SCML2: variants seen among roughly 807,000 people sequenced by gnomAD.
SCML2 encodes the protein Scm polycomb group protein like 2.
A neutral mutation model predicts 48.4 loss-of-function variants in SCML2; 6 were observed. The observed-to-expected ratio is 0.12, with a 90% CI of 0.07 to 0.24. The LOEUF (loss-of-function observed/expected upper bound fraction) is 0.24. Ranked by LOEUF, SCML2 falls within the 10% of genes least tolerant of loss-of-function variation. SCML2 has a pLI of 1.00. For missense variants in SCML2, 377 were observed against 528.2 expected (o/e 0.71, Z 2.81); for synonymous variants, 181 against 189.5 (o/e 0.95, Z 0.37).
intron 1 of SCML2, among the ~76,000 whole-genome samples, chrX:18,342,350 TA>T (rs1282550143): frequency 1.6e-3 from 152 of 97,706 alleles, no homozygotes; most frequent in Non-Finnish European, 1.5e-3. Flanking sequence ...AAGTAAGCCT[TA>T]AAAAAAAAAA....
rs182536908 is a variant in SCML2 at position 18,282,223 on chromosome X, C to G, written c.731-16421G>C. Among the ~76,000 whole-genome samples the G allele has an allele frequency of 2.6e-3, 291 of 110,964 alleles. 2 individuals are homozygous for G. The highest frequency in any genetic ancestry group is 8.8e-3 in the African/African-American group (269 of 30,478). ...AAAAATAAACATGATTGATAGACCA[C>G]TAGCTAGGTTAACAAAGAAAAAAAA... On this transcript the variant is annotated intron_variant, in intron 7 of 14. Coordinates refer to ENST00000251900, the MANE Select transcript of SCML2 (RefSeq NM_006089.3).
Position 18,320,429 on chromosome X carries a change from T to G in SCML2, c.398-9A>C, listed in dbSNP as rs574474762. ...TGTATTCATCTGGTACCCTGTTTTA[T>G]AAAATAAATTAGGTATCATGAAAAA... On this transcript the variant is annotated splice_polypyrimidine_tract_variant and intron_variant, in intron 5 of 14. Coordinates refer to ENST00000251900, the MANE Select transcript of SCML2 (RefSeq NM_006089.3). The G allele has an allele frequency of 1.9e-6, 2 of 1,059,645 alleles. No homozygotes were observed. The highest frequency in any genetic ancestry group is 4.9e-5 in the South Asian group (2 of 40,628). The allele number at this position is 1,059,645 out of a possible 1,213,427, so 87.3% of individuals were successfully genotyped here.
At chrX:18,343,920 A>AT (rs1434952837) in intron 1 of SCML2, among the ~76,000 whole-genome samples, 11 of 83,132 alleles carry the variant, frequency 1.3e-4, no homozygotes, top group African/African-American at 1.8e-4. Context: ...CCCTGCCTCT[A>AT]TTTAAAAAAA....
intron 1 of SCML2, among the ~76,000 whole-genome samples, chrX:18,345,226 C>A (rs1203560699): frequency 4.5e-5 from 5 of 111,135 alleles, no homozygotes; most frequent in Non-Finnish European, 7.5e-5. Context: ...AGACAATAAG[C>A]TCCTGGGGGC....
intron 1 of SCML2, among the ~76,000 whole-genome samples, chrX:18,343,810 G>A (rs1434949489): frequency 1.2e-4 from 12 of 99,057 alleles, no homozygotes; most frequent in African/African-American, 1.8e-4. Context: ...AACCTGGGCC[G>A]GATTACAATC....
At chrX:18,289,641 AC>A (rs989990092) in intron 7 of SCML2, among the ~76,000 whole-genome samples, 1 of 112,319 alleles carries the variant, frequency 8.9e-6, no homozygotes, top group African/African-American at 3.2e-5. Flanking sequence ...CTACTGTTAC[AC>A]AGAAAAATAA....
chrX:18,278,578 G>A (rs983665643), intron 7 of SCML2, among the ~76,000 whole-genome samples: 1 of 112,159 alleles, frequency 8.9e-6, no homozygotes, highest in East Asian at 2.8e-4. Context: ...TCTGAGCCAG[G>A]AGAGAGCTGG....
chrX:18,325,169 C>G (rs559327528), intron 3 of SCML2, among the ~76,000 whole-genome samples, 192 bp from the exon 4 acceptor site: 2 of 109,898 alleles, frequency 1.8e-5, no homozygotes, highest in Admixed American at 1.9e-4. Flanking sequence ...AAAAATAAGA[C>G]GATATCCTGA....
At chrX:18,286,389 G>A (rs982426594) in intron 7 of SCML2, among the ~76,000 whole-genome samples, 3 of 111,408 alleles carry the variant, frequency 2.7e-5, no homozygotes, top group Non-Finnish European at 5.7e-5. Flanking sequence ...ACCCACGCAG[G>A]CTCACTGCAT....
intron 12 of SCML2, among the ~76,000 whole-genome samples, chrX:18,247,217 G>A (rs1926480755): frequency 1.8e-5 from 2 of 110,901 alleles, no homozygotes; most frequent in African/African-American, 6.6e-5. Flanking sequence ...GGCTGGTCTC[G>A]AACTCCTGAC....
intron 7 of SCML2, among the ~76,000 whole-genome samples, chrX:18,296,687 G>A (rs746201609): frequency 9.0e-6 from 1 of 111,235 alleles, no homozygotes; most frequent in African/African-American, 3.3e-5. Context: ...AGAACCTATC[G>A]AGACTGAATA....
At chrX:18,312,576 C>G (rs956741038) in intron 6 of SCML2, among the ~76,000 whole-genome samples, 23 of 109,443 alleles carry the variant, frequency 2.1e-4, no homozygotes, top group Non-Finnish European at 4.4e-4. Context: ...TTGGTTGAAC[C>G]CATAGATGCA....
chrX:18,335,960 C>A (rs1366901365), intron 1 of SCML2, among the ~76,000 whole-genome samples: 2 of 111,473 alleles, frequency 1.8e-5, no homozygotes, highest in Non-Finnish European at 1.9e-5. Flanking sequence ...GGAGAATTTA[C>A]ATCATCTTAT....
At chrX:18,242,062 T>C (rs1379481983) in intron 14 of SCML2, among the ~76,000 whole-genome samples, 1 of 111,978 alleles carries the variant, frequency 8.9e-6, no homozygotes, top group Non-Finnish European at 1.9e-5. Flanking sequence ...CTGGATTCAC[T>C]GGAGGAAGGC....
chrX:18,299,924 G>C (rs1380825633), intron 7 of SCML2, among the ~76,000 whole-genome samples: 1 of 109,571 alleles, frequency 9.1e-6, no homozygotes, highest in African/African-American at 3.3e-5. Flanking sequence ...TTTTTTTGTA[G>C]AGACAGAGTC....
chrX:18,288,230 AC>A (rs1232946155), intron 7 of SCML2, among the ~76,000 whole-genome samples: 8 of 111,566 alleles, frequency 7.2e-5, no homozygotes, highest in Admixed American at 2.9e-4. Context: ...TTCCAAAAAA[AC>A]ACATCAGATG....
intron 7 of SCML2, 40 bp downstream of exon 7, chrX:18,304,932 T>G: frequency 9.3e-6 from 11 of 1,177,628 alleles, no homozygotes; most frequent in Non-Finnish European, 1.3e-5. Context: ...ACATCTAACT[T>G]CAATAAAGTA....
At chrX:18,244,233 TA>T (rs1405281124) in intron 13 of SCML2, among the ~76,000 whole-genome samples, 2 of 111,821 alleles carry the variant, frequency 1.8e-5, no homozygotes, top group African/African-American at 6.5e-5. Context: ...ATGCTGTGCC[TA>T]AGTTAGCATT....
At chrX:18,283,537 C>A (rs1430989623) in intron 7 of SCML2, among the ~76,000 whole-genome samples, 1 of 112,160 alleles carries the variant, frequency 8.9e-6, no homozygotes, top group Admixed American at 9.4e-5. Flanking sequence ...CCTAGGAAAC[C>A]CCGAAGACTC....
Sources: gnomAD v4.1 joint callset for allele counts (sites outside exome capture counted in the v4.1 genomes callset) on GRCh38, gnomAD v4.1.1 for gene constraint, MANE v1.5 for transcripts, NCBI Gene and HGNC (gene_info 2026-07-23, HGNC 2026-07-21) for gene names.